Variants in RABEP1 observed in about 807,000 individuals in gnomAD.
RABEP1 encodes the protein rabaptin, RAB GTPase binding effector protein 1.
RABEP1 carries 51 observed loss-of-function variants against 123.4 expected under a neutral mutation model. The observed-to-expected ratio is 0.41, with a 90% confidence interval of 0.33 to 0.52. The LOEUF (loss-of-function observed/expected upper bound fraction) is 0.52, where lower values mean the gene tolerates loss of function less well. Ranked by LOEUF, RABEP1 falls within the 20% of genes least tolerant of loss-of-function variation. The pLI, the probability that RABEP1 is intolerant of heterozygous loss-of-function variation, is 0.16. For missense variants in RABEP1, 888 were observed against 996.3 expected, an observed-to-expected ratio of 0.89 and a Z score of 1.46; for synonymous variants, 347 against 355.2, an observed-to-expected ratio of 0.98 and a Z score of 0.26.
Position 5,296,320 on chromosome 17 carries a change from A to G in RABEP1, c.35-12374A>G, listed in dbSNP as rs1286549392. On this transcript the variant is annotated intron_variant, in intron 1 of 17. Coordinates refer to ENST00000537505, the MANE Select transcript of RABEP1 (RefSeq NM_004703.6). ...TTCTTGTTGCCCAGGCTGGAGTGCAATGGTGCTATCTCAGCTCACCACAAC... is the reference window on the plus strand; with the variant it reads ...TTCTTGTTGCCCAGGCTGGAGTGCAGTGGTGCTATCTCAGCTCACCACAAC... Among the ~76,000 whole-genome samples the G allele has an allele frequency of 5.9e-5, 9 of 152,020 alleles. No homozygotes were observed. In the East Asian group the frequency reaches 1.2e-3, roughly 20 times the overall value.
chr17:5,327,262 C>T (rs974840148), intron 2 of RABEP1, among the ~76,000 whole-genome samples: 2 of 151,380 alleles, frequency 1.3e-5, no homozygotes, highest in African/African-American at 4.9e-5. Context: ...GCAGGAGAAT[C>T]GCTTGAACTT....
intron 5 of RABEP1, among the ~76,000 whole-genome samples, chr17:5,342,448 G>T (rs1048556535): frequency 2.0e-5 from 3 of 152,110 alleles, no homozygotes; most frequent in Non-Finnish European, 4.4e-5. Context: ...GACCAGCCTG[G>T]CCAGCATGGT....
At chr17:5,364,467 C>G (rs1023063617) in intron 10 of RABEP1, 1 of 152,414 alleles carries the variant, frequency 6.6e-6, no homozygotes, top group Non-Finnish European at 1.5e-5. Flanking sequence ...CATGGTGGCT[C>G]ACGCCTATAA....
At chr17:5,300,707 C>G (rs1032284828) in intron 1 of RABEP1, among the ~76,000 whole-genome samples, 2 of 152,172 alleles carry the variant, frequency 1.3e-5, no homozygotes, top group Non-Finnish European at 2.9e-5. Context: ...GCTTAGCACC[C>G]TATGAGCAGT....
rs186922986 is a variant in RABEP1 at position 5,352,445 on chromosome 17, G to A, written c.963+1816G>A. Among the ~76,000 whole-genome samples, 7 of 151,082 alleles carry A rather than the reference G, an allele frequency of 4.6e-5. No individual in the cohort carries two copies. The East Asian group carries it at 1.2e-3, about 26-fold the overall frequency. ...TGACCTCAAGTTATCTGCCCGTCTC[G>A]GCCTCCCAAAGTGCTGGGATTACAG... On this transcript the variant is annotated intron_variant, in intron 7 of 17. Coordinates refer to ENST00000537505, the MANE Select transcript of RABEP1 (RefSeq NM_004703.6).
chr17:5,296,211 A>G (rs1185960575), intron 1 of RABEP1, among the ~76,000 whole-genome samples: 2 of 152,188 alleles, frequency 1.3e-5, no homozygotes, highest in African/African-American at 4.8e-5. Flanking sequence ...TTATATTCAT[A>G]AGTGAGATTG....
chr17:5,327,940 A>G (rs544825952), intron 2 of RABEP1, among the ~76,000 whole-genome samples: 7 of 152,342 alleles, frequency 4.6e-5, no homozygotes, highest in Admixed American at 2.6e-4. Context: ...GCATAGGACA[A>G]TGAGAACGTC....
chr17:5,312,171 GAGTCT>G lies in RABEP1; in HGVS notation c.163+3350_163+3354del, dbSNP rs558728737. ...ATTTTAGTTATCCCTCTGTGAGGCA[GAGTCT>G]CACTTTTTCGCTCAGGCTGGAGTGC... is the stretch of plus-strand genomic sequence containing the variant. On this transcript the variant is annotated intron_variant, in intron 2 of 17. Coordinates refer to ENST00000537505, the MANE Select transcript of RABEP1 (RefSeq NM_004703.6). Among the ~76,000 whole-genome samples, 65 of 152,286 alleles carry G rather than the reference GAGTCT, an allele frequency of 4.3e-4. No homozygotes were observed. In the South Asian group the frequency reaches 8.5e-3, roughly 20 times the overall value.
At chr17:5,332,336 G>A (rs965761241) in intron 3 of RABEP1, among the ~76,000 whole-genome samples, 184 bp downstream of exon 3, 8 of 152,128 alleles carry the variant, frequency 5.3e-5, no homozygotes, top group African/African-American at 7.2e-5. Context: ...TATATCAATC[G>A]TATCTAACTT....
At chr17:5,344,922 C>G (rs1907942177) in intron 5 of RABEP1, among the ~76,000 whole-genome samples, 2 of 151,742 alleles carry the variant, frequency 1.3e-5, no homozygotes, top group African/African-American at 2.4e-5. Flanking sequence ...GAGATCGCGG[C>G]ACCACCCTCC....
At chr17:5,373,176 T>C in intron 12 of RABEP1, 138 bp from the exon 13 acceptor site, 1 of 671,492 alleles carries the variant, frequency 1.5e-6, no homozygotes, top group South Asian at 3.4e-5. Context: ...TGTGCAGCTT[T>C]TTCTAAGTCT....
At chr17:5,370,195 T>A (rs1207817038) in intron 12 of RABEP1, among the ~76,000 whole-genome samples, 1 of 152,220 alleles carries the variant, frequency 6.6e-6, no homozygotes, top group Non-Finnish European at 1.5e-5. Flanking sequence ...TTGCCCTTGT[T>A]CTTAGTCTTT....
chr17:5,328,158 AC>A (rs1275552753), intron 2 of RABEP1, among the ~76,000 whole-genome samples: 3 of 152,202 alleles, frequency 2.0e-5, no homozygotes, highest in Non-Finnish European at 2.9e-5. Flanking sequence ...GTAATGATAA[AC>A]CCAAATTCCT....
At chr17:5,358,958 C>T (rs56176579) in intron 8 of RABEP1, among the ~76,000 whole-genome samples, 38,932 of 151,918 alleles carry the variant, frequency 0.26, 5,305 homozygotes, top group African/African-American at 0.34. Flanking sequence ...AAGGAGTTCT[C>T]TCTATGTTGC....
At chr17:5,362,792 C>G in intron 9 of RABEP1, 120 bp from the exon 10 acceptor site, 1 of 674,574 alleles carries the variant, frequency 1.5e-6, no homozygotes, top group Non-Finnish European at 2.6e-6. Context: ...CCGTAAGGCC[C>G]TGAAGAAAGT....
chr17:5,357,276 T>C (rs1909107664), intron 8 of RABEP1, among the ~76,000 whole-genome samples: 1 of 152,230 alleles, frequency 6.6e-6, no homozygotes, highest in South Asian at 2.1e-4. Flanking sequence ...GGCACATCAT[T>C]AAATGTTTTT....
At chr17:5,327,066 G>T (rs990036423) in intron 2 of RABEP1, among the ~76,000 whole-genome samples, 4 of 152,262 alleles carry the variant, frequency 2.6e-5, no homozygotes, top group Admixed American at 1.3e-4. Flanking sequence ...TAGCTAAACA[G>T]GCTGGGCACG....
intron 1 of RABEP1, among the ~76,000 whole-genome samples, chr17:5,287,726 C>T (rs914154793): frequency 1.7e-4 from 26 of 151,758 alleles, no homozygotes; most frequent in Non-Finnish European, 3.4e-4. Flanking sequence ...TTGAGACCAG[C>T]CTGGGCAATA....
At chr17:5,316,081 A>T (rs2075292226) in intron 2 of RABEP1, among the ~76,000 whole-genome samples, 1 of 152,232 alleles carries the variant, frequency 6.6e-6, no homozygotes. Context: ...CTGCTAAATT[A>T]TGTAAGAGTG....
Sources: gnomAD v4.1 joint callset for allele counts (sites outside exome capture counted in the v4.1 genomes callset) on GRCh38, gnomAD v4.1.1 for gene constraint, MANE v1.5 for transcripts, NCBI Gene and HGNC (gene_info 2026-07-23, HGNC 2026-07-21) for gene names.